FSTL4: variants seen among roughly 807,000 people sequenced by gnomAD.
FSTL4 encodes follistatin-related protein 4.
FSTL4 carries 28 observed loss-of-function variants against 78.2 expected under a neutral mutation model. The ratio of observed to expected loss-of-function variants is 0.36; its 90% CI spans 0.27 to 0.49. The LOEUF (loss-of-function observed/expected upper bound fraction) is 0.49. Ranked by LOEUF, FSTL4 falls within the 20% of genes least tolerant of loss-of-function variation. FSTL4 has a pLI of 0.98. For missense variants in FSTL4, 922 were observed against 1,084.9 expected (o/e 0.85, Z 2.11); for synonymous variants, 422 against 440.5 (o/e 0.96, Z 0.53).
At chr5:133,483,737 AGGTAGGGGCCTCTG>A (rs764867153) in intron 3 of FSTL4, among the ~76,000 whole-genome samples, 27 of 152,328 alleles carry the variant, frequency 1.8e-4, no homozygotes, top group Middle Eastern at 3.4e-3. Context: ...TCTCCAGGGC[AGGTAGGGGCCTCTG>A]GGTAGGGGCA....
chr5:133,643,982 A>G, the FSTL4 span, among the ~76,000 whole-genome samples: 61 of 152,328 alleles, frequency 4.0e-4, no homozygotes, highest in Non-Finnish European at 5.1e-4. Flanking sequence ...ACTTTCTAAC[A>G]CTTCTAATAC....
chr5:133,731,716 C>T, the FSTL4 span, among the ~76,000 whole-genome samples: 6 of 152,184 alleles, frequency 3.9e-5, no homozygotes, highest in African/African-American at 7.2e-5. Flanking sequence ...GAGGGGCTGC[C>T]GGCCGGCAGT....
chr5:133,352,253 CAT>C (rs34251947), intron 4 of FSTL4, among the ~76,000 whole-genome samples: 219 of 85,772 alleles, frequency 2.6e-3, no homozygotes, highest in African/African-American at 8.3e-3. Context: ...TATATACACA[CAT>C]ATATATATAC....
chr5:133,497,467 T>G (rs1409657625), intron 3 of FSTL4, among the ~76,000 whole-genome samples: 4 of 152,250 alleles, frequency 2.6e-5, no homozygotes, highest in African/African-American at 9.6e-5. Context: ...TGCTGTTGTT[T>G]GCCTGAGGGG....
rs780384409 is a variant in FSTL4 at position 133,581,508 on chromosome 5, C to T, written c.127-14289G>A. 5.1e-4 allele frequency among the ~76,000 whole-genome samples: 77 copies of T among 152,256 alleles called. 1 individual carries two copies. Among genetic ancestry groups the T allele is most frequent in the African/African-American group, 1.6e-3 (68 of 41,476 alleles). On this transcript the variant is annotated intron_variant, in intron 2 of 15. Transcript: ENST00000265342. ...CCCACACGTGCCACATCAGGAATCA[C>T]GCCAGCCTTAGCCACCCACACCTCC...
chr5:133,634,390 C>CT, the FSTL4 span, among the ~76,000 whole-genome samples: 6,387 of 149,720 alleles, frequency 0.043, 450 homozygotes, highest in African/African-American at 0.15. Flanking sequence ...TTCTCTCTCT[C>CT]TCTTTTTTTT....
At chr5:133,820,073 G>A in the FSTL4 span, among the ~76,000 whole-genome samples, 2 of 152,146 alleles carry the variant, frequency 1.3e-5, no homozygotes, top group South Asian at 4.1e-4. Flanking sequence ...AGCACGGCAC[G>A]GCGCAGGTTC....
chr5:133,544,567 C>A lies in FSTL4; in HGVS notation c.160+22619G>T, dbSNP rs371331412. On this transcript the variant is annotated intron_variant, in intron 3 of 15. Coordinates refer to ENST00000265342, the MANE Select transcript of FSTL4 (RefSeq NM_015082.2). Reference sequence around the variant, plus strand: ...ACACACGAGATGAGCACCACACTCACCCCCGTTTTCTTCCTGAGGGTAGTT... The same window carrying A: ...ACACACGAGATGAGCACCACACTCAACCCCGTTTTCTTCCTGAGGGTAGTT... 5.3e-5 allele frequency among the ~76,000 whole-genome samples: 8 copies of A among 152,312 alleles called. No homozygotes were observed. The East Asian group carries it at 9.6e-4, about 18-fold the overall frequency.
At chr5:133,701,509 A>ACACCCCCCCC in the FSTL4 span, among the ~76,000 whole-genome samples, 7 of 132,690 alleles carry the variant, frequency 5.3e-5, no homozygotes, top group South Asian at 2.6e-4. Context: ...ACACACACAC[A>ACACCCCCCCC]CCCCACAGGC....
At chr5:133,779,015 G>A in the FSTL4 span, among the ~76,000 whole-genome samples, 1 of 152,208 alleles carries the variant, frequency 6.6e-6, no homozygotes, top group South Asian at 2.1e-4. Context: ...TGGGGCAGGG[G>A]GAGGACCCAT....
the FSTL4 span, among the ~76,000 whole-genome samples, chr5:133,773,511 A>G: frequency 1.3e-5 from 2 of 152,176 alleles, no homozygotes; most frequent in Non-Finnish European, 2.9e-5. Flanking sequence ...CTCTCCTTCT[A>G]GGCAGCAATT....
chr5:133,514,185 A>G (rs199760898), intron 3 of FSTL4, among the ~76,000 whole-genome samples: 25 of 102,848 alleles, frequency 2.4e-4, no homozygotes, highest in East Asian at 8.3e-4. Flanking sequence ...TCTCAATGAT[A>G]ATAATAATAA....
chr5:133,671,733 C>T, the FSTL4 span, among the ~76,000 whole-genome samples: 17 of 152,132 alleles, frequency 1.1e-4, no homozygotes, highest in East Asian at 2.1e-3. Flanking sequence ...TTAAAAGAGG[C>T]AAAGGCAGAG....
rs1423320173 is a variant in FSTL4 at position 133,534,753 on chromosome 5, C to G, written c.160+32433G>C. On this transcript the variant is annotated intron_variant, in intron 3 of 15. Coordinates refer to ENST00000265342, the MANE Select transcript of FSTL4 (RefSeq NM_015082.2). ...TCTTTTCTCCCCCAGTTCCCTCACA[C>G]GCCCAGCTGTCCCCAGCATCACATC... Among the ~76,000 whole-genome samples the G allele has an allele frequency of 9.2e-5, 14 of 152,258 alleles. 1 individual carries two copies. In the South Asian group the frequency reaches 2.5e-3, roughly 27 times the overall value.
intron 8 of FSTL4, among the ~76,000 whole-genome samples, chr5:133,226,481 C>G (rs1751336624): frequency 6.6e-6 from 1 of 152,208 alleles, no homozygotes; most frequent in South Asian, 2.1e-4. Context: ...AGCTCTGGCC[C>G]TTCCTACCCA....
intron 3 of FSTL4, among the ~76,000 whole-genome samples, chr5:133,503,487 A>G (rs972967824): frequency 6.6e-6 from 1 of 151,980 alleles, no homozygotes; most frequent in African/African-American, 2.4e-5. Context: ...AGTTGTCTTG[A>G]GGGAATTCAG....
chr5:133,436,774 T>C (rs2126999886), intron 3 of FSTL4, among the ~76,000 whole-genome samples: 1 of 152,140 alleles, frequency 6.6e-6, no homozygotes, highest in East Asian at 1.9e-4. Context: ...CACCACTGAT[T>C]GACATAATCA....
chr5:133,835,293 G>C, the FSTL4 span, among the ~76,000 whole-genome samples: 5 of 152,162 alleles, frequency 3.3e-5, no homozygotes, highest in Non-Finnish European at 7.3e-5. Context: ...CTGATAGTCT[G>C]TCTTTCCACT....
At chr5:133,699,876 A>G in the FSTL4 span, among the ~76,000 whole-genome samples, 29 of 101,748 alleles carry the variant, frequency 2.9e-4, no homozygotes, top group East Asian at 1.6e-3. Flanking sequence ...GTGAGACTCC[A>G]TCTCAAAAAA....
Sources: gnomAD v4.1 joint callset for allele counts (sites outside exome capture counted in the v4.1 genomes callset) on GRCh38, gnomAD v4.1.1 for gene constraint, MANE v1.5 for transcripts, NCBI Gene and HGNC (gene_info 2026-07-23, HGNC 2026-07-21) for gene names.